Variants in ZFYVE9 observed in about 807,000 individuals in gnomAD.
ZFYVE9 encodes the protein zinc finger FYVE domain-containing protein 9.
ZFYVE9 carries 43 observed loss-of-function variants against 126.7 expected under a neutral mutation model. That is an observed-to-expected ratio of 0.34 (90% CI 0.27 to 0.44). ZFYVE9 has a LOEUF of 0.44. Among genes scored for constraint, ZFYVE9 ranks in the 20% least tolerant of loss-of-function variants. The probability of loss-of-function intolerance (pLI) is 1.00; values close to 1 mark genes in which losing one functional copy is unlikely to be tolerated. For missense variants in ZFYVE9, 1,476 were observed against 1,697.0 expected (o/e 0.87, Z 2.29); for synonymous variants, 521 against 597.4 (o/e 0.87, Z 1.87).
chr1:52,163,780 C>T (rs1030623785), intron 1 of ZFYVE9, among the ~76,000 whole-genome samples: 4 of 151,250 alleles, frequency 2.6e-5, no homozygotes, highest in Non-Finnish European at 4.4e-5. Flanking sequence ...TTAAGACCAG[C>T]GTGGGCAACA....
intron 1 of ZFYVE9, among the ~76,000 whole-genome samples, chr1:52,207,601 G>A (rs1644989713): frequency 6.6e-6 from 1 of 152,178 alleles, no homozygotes. Flanking sequence ...CACTGTAAGG[G>A]TGTTCATATT....
chr1:52,162,448 C>T, intron 1 of ZFYVE9: 1 of 252,506 alleles, frequency 4.0e-6, no homozygotes. Flanking sequence ...TAGAATAATC[C>T]ACCCGAATTT....
At chr1:52,270,636 A>T (rs12072390) in intron 7 of ZFYVE9, among the ~76,000 whole-genome samples, 7,913 of 152,214 alleles carry the variant, frequency 0.052, 459 homozygotes, top group African/African-American at 0.13. Flanking sequence ...ATTTTTAAAA[A>T]TCAAGATCTC....
At chr1:52,342,424 C>A (rs1646445971) in intron 17 of ZFYVE9, among the ~76,000 whole-genome samples, 1 of 151,906 alleles carries the variant, frequency 6.6e-6, no homozygotes, top group Non-Finnish European at 1.5e-5. Context: ...CGCTACCACG[C>A]CCGACTAATT....
chr1:52,214,272 CA>C (rs1393743130), intron 1 of ZFYVE9, among the ~76,000 whole-genome samples: 8 of 151,890 alleles, frequency 5.3e-5, no homozygotes, highest in African/African-American at 1.9e-4. Context: ...ACTAAACATA[CA>C]AAAATTAGCT....
Position 52,281,821 on chromosome 1 carries a change from G to A in ZFYVE9, c.3025+5G>A. The A allele has an allele frequency of 6.2e-7, 1 of 1,614,060 alleles. No individual in the cohort carries two copies. Among genetic ancestry groups the A allele is most frequent in the Non-Finnish European group, 8.5e-7 (1 of 1,179,974 alleles). ...TTTATCGGGATGCTCTGGCAGGTAG[G>A]AATGCTTTATGACTTAGTCTGCTCC... On this transcript the variant is annotated splice_donor_5th_base_variant and intron_variant, in intron 10 of 18. Transcript: ENST00000287727.
At chr1:52,316,308 A>T (rs1481073788) in intron 13 of ZFYVE9, among the ~76,000 whole-genome samples, 2 of 151,900 alleles carry the variant, frequency 1.3e-5, no homozygotes, top group African/African-American at 2.4e-5. Flanking sequence ...CAACATGGTG[A>T]AACCCCGTCT....
chr1:52,305,749 C>T (rs1185809384), intron 13 of ZFYVE9, among the ~76,000 whole-genome samples: 2 of 152,114 alleles, frequency 1.3e-5, no homozygotes, highest in African/African-American at 2.4e-5. Flanking sequence ...GTTGTGGCTA[C>T]GGACCCAGGC....
At position 52,263,761 on chromosome 1, in the gene ZFYVE9, C is replaced by T. The variant is rs200746245; in HGVS notation, c.2179-12C>T. On this transcript the variant is annotated splice_polypyrimidine_tract_variant and intron_variant, in intron 4 of 18. Transcript: ENST00000287727. ...TAAATTTTGTGTGTTCTTCCCCCCC[C>T]CCCCCCCACAGGTTTTCTGTGCTTC... 78 of 839,332 alleles carry T rather than the reference C, an allele frequency of 9.3e-5. 1 individual carries two copies. Among genetic ancestry groups the T allele is most frequent in the East Asian group, 7.4e-4 (25 of 33,852 alleles). The allele number at this position is 839,332 out of a possible 1,614,324, so 52.0% of individuals were successfully genotyped here.
chr1:52,186,012 G>A (rs111655527), intron 1 of ZFYVE9, among the ~76,000 whole-genome samples: 2,231 of 151,384 alleles, frequency 0.015, 71 homozygotes, highest in African/African-American at 0.052. Flanking sequence ...AGGCCGAGAC[G>A]GGTGGATCAC....
chr1:52,213,323 T>A (rs1645044218), intron 1 of ZFYVE9, among the ~76,000 whole-genome samples: 1 of 152,184 alleles, frequency 6.6e-6, no homozygotes, highest in Admixed American at 6.5e-5. Flanking sequence ...TTATTGTATG[T>A]CACTTCTCAA....
intron 1 of ZFYVE9, among the ~76,000 whole-genome samples, chr1:52,148,117 G>A (rs1285423813): frequency 1.3e-5 from 2 of 151,282 alleles, no homozygotes; most frequent in Non-Finnish European, 2.9e-5. Context: ...GTAAATTGTT[G>A]AAGCTTTTAC....
At chr1:52,332,226 TATC>T (rs1398824338) in intron 13 of ZFYVE9, among the ~76,000 whole-genome samples, 1 of 152,138 alleles carries the variant, frequency 6.6e-6, no homozygotes, top group Non-Finnish European at 1.5e-5. Context: ...AGGTCAGAAT[TATC>T]ATGTTAAATC....
intron 1 of ZFYVE9, among the ~76,000 whole-genome samples, chr1:52,204,778 G>C (rs566824336): frequency 6.6e-6 from 1 of 152,190 alleles, no homozygotes; most frequent in South Asian, 2.1e-4. Flanking sequence ...ATTTCAAAAT[G>C]GTTCCCTTTC....
intron 17 of ZFYVE9, among the ~76,000 whole-genome samples, chr1:52,342,107 C>T (rs1420620056): frequency 6.6e-6 from 1 of 152,118 alleles, no homozygotes; most frequent in Non-Finnish European, 1.5e-5. Context: ...GACTCCCACT[C>T]GGTCATTTCA....
Position 52,144,567 on chromosome 1 carries a change from C to T in ZFYVE9, c.-143+2164C>T, listed in dbSNP as rs1012508672. On this transcript the variant is annotated intron_variant, in intron 1 of 18. Coordinates refer to ENST00000287727, the MANE Select transcript of ZFYVE9 (RefSeq NM_004799.4). ...TTAAAATTAACTAACCTTGCTGAGC[C>T]GAAGGAAGGTGTCTATTTTCTAGCA... 3.3e-5 allele frequency among the ~76,000 whole-genome samples: 5 copies of T among 151,364 alleles called. No individual in the cohort carries two copies. In the South Asian group the frequency reaches 1.1e-3, roughly 32 times the overall value.
At chr1:52,250,909 A>G (rs926308042) in intron 4 of ZFYVE9, among the ~76,000 whole-genome samples, 2 of 151,758 alleles carry the variant, frequency 1.3e-5, no homozygotes, top group Non-Finnish European at 2.9e-5. Context: ...CATGAGGTCT[A>G]CTGTGTTGCC....
At chr1:52,332,712 T>C in intron 13 of ZFYVE9, 56 bp from the exon 14 acceptor site, 2 of 1,584,986 alleles carry the variant, frequency 1.3e-6, no homozygotes, top group East Asian at 2.3e-5. Context: ...AGTTGCACCA[T>C]GTCAGACAGA....
chr1:52,159,170 C>CTCCCAAGTCACAACTTGCGTGTTAA (rs1644431313), intron 1 of ZFYVE9, among the ~76,000 whole-genome samples: 1 of 152,206 alleles, frequency 6.6e-6, no homozygotes, highest in Non-Finnish European at 1.5e-5. Flanking sequence ...TGGGAACATT[C>CTCCCAAGTCACAACTTGCGTGTTAA]TCCCAAGTCA....
Sources: gnomAD v4.1 joint callset for allele counts (sites outside exome capture counted in the v4.1 genomes callset) on GRCh38, gnomAD v4.1.1 for gene constraint, MANE v1.5 for transcripts, NCBI Gene and HGNC (gene_info 2026-07-23, HGNC 2026-07-21) for gene names.